Variants in HLCS observed in about 807,000 individuals in gnomAD.
The protein encoded by HLCS is holocarboxylase synthetase, also known as biotin--protein ligase.
In HLCS, 53 loss-of-function variants were observed where a neutral mutation model predicts 75.0. The observed-to-expected ratio is 0.71, with a 90% confidence interval of 0.57 to 0.89. The LOEUF is 0.89. Among genes scored for constraint, HLCS ranks in the 40% least tolerant of loss-of-function variants. The pLI, the probability that HLCS is intolerant of heterozygous loss-of-function variation, is 0.00. For missense variants in HLCS, 966 were observed against 1,074.0 expected, an observed-to-expected ratio of 0.90 and a Z score of 1.41; for synonymous variants, 431 against 428.6, an observed-to-expected ratio of 1.01 and a Z score of -0.07.
upstream of HLCS, among the ~76,000 whole-genome samples, chr21:36,970,228 G>T (rs2068748315): frequency 6.6e-6 from 1 of 152,142 alleles, no homozygotes; most frequent in Admixed American, 6.6e-5. Context: ...AGCTGAGAAG[G>T]ATAGCTTGTT....
At chr21:36,859,517 G>A (rs1160744060) in intron 6 of HLCS, among the ~76,000 whole-genome samples, 2 of 152,226 alleles carry the variant, frequency 1.3e-5, no homozygotes, top group African/African-American at 2.4e-5. Context: ...GAGGGGAGCA[G>A]GACAACTGTA....
At chr21:36,899,744 G>A (rs1410311680) in intron 5 of HLCS, among the ~76,000 whole-genome samples, 2 of 152,208 alleles carry the variant, frequency 1.3e-5, no homozygotes, top group Non-Finnish European at 2.9e-5. Context: ...CTCTGAGGAC[G>A]GAGCAATGAT....
chr21:36,822,839 C>G (rs1216535574), intron 6 of HLCS, among the ~76,000 whole-genome samples: 1 of 152,170 alleles, frequency 6.6e-6, no homozygotes, highest in Non-Finnish European at 1.5e-5. Flanking sequence ...TAGAGCAGGA[C>G]AGTGATTTTT....
At chr21:36,769,118 A>T (rs1303827964) in intron 6 of HLCS, among the ~76,000 whole-genome samples, 1 of 152,256 alleles carries the variant, frequency 6.6e-6, no homozygotes, top group Non-Finnish European at 1.5e-5. Flanking sequence ...AACCAAACAC[A>T]GACTTCTAGA....
At chr21:36,788,129 T>C (rs2060747728) in intron 6 of HLCS, among the ~76,000 whole-genome samples, 1 of 152,218 alleles carries the variant, frequency 6.6e-6, no homozygotes, top group Non-Finnish European at 1.5e-5. Flanking sequence ...AGAGGTGGCA[T>C]TTTGTCTTCC....
intron 6 of HLCS, among the ~76,000 whole-genome samples, chr21:36,836,373 A>G (rs2062411392): frequency 6.6e-6 from 1 of 151,950 alleles, no homozygotes; most frequent in Non-Finnish European, 1.5e-5. Context: ...CAGGTTAGTT[A>G]CATATGTATA....
chr21:36,844,691 T>C (rs1457085785), intron 6 of HLCS, among the ~76,000 whole-genome samples: 1 of 151,614 alleles, frequency 6.6e-6, no homozygotes, highest in East Asian at 1.9e-4. Flanking sequence ...AGAACGACTA[T>C]CTTTTTTTTT....
chr21:36,884,148 T>C (rs908563570), intron 6 of HLCS, among the ~76,000 whole-genome samples: 2 of 152,242 alleles, frequency 1.3e-5, no homozygotes, highest in Non-Finnish European at 2.9e-5. Context: ...CCCCTTGTTA[T>C]CTAACGTAAG....
Position 36,879,858 on chromosome 21 carries a change from C to T in HLCS, c.1892+17002G>A, listed in dbSNP as rs561018877. Among the ~76,000 whole-genome samples, 6 of 150,962 alleles carry T rather than the reference C, an allele frequency of 4.0e-5. No individual in the cohort carries two copies. The South Asian group carries it at 8.4e-4, about 21-fold the overall frequency. On this transcript the variant is annotated intron_variant, in intron 6 of 10. Transcript: ENST00000674895. ...CCAGGAGTTCGAGGCTGCAGTGAGC[C>T]GAGATTGCACCACTACACTCCAGCC...
At chr21:36,922,309 T>C (rs993851076) in intron 5 of HLCS, among the ~76,000 whole-genome samples, 2 of 152,218 alleles carry the variant, frequency 1.3e-5, no homozygotes, top group African/African-American at 4.8e-5. Flanking sequence ...CTTTGATATA[T>C]GTGTATGTTA....
chr21:36,754,543 G>C (rs2089485526), intron 10 of HLCS, 126 bp from the exon 11 acceptor site: 1 of 951,510 alleles, frequency 1.1e-6, no homozygotes, highest in Non-Finnish European at 1.6e-6. Context: ...CTCGCTGCAG[G>C]GAAAAGGCAG....
intron 2 of HLCS, among the ~76,000 whole-genome samples, chr21:36,950,476 TTTTA>T (rs1320188612): frequency 3.3e-5 from 5 of 151,940 alleles, no homozygotes; most frequent in Non-Finnish European, 5.9e-5. Flanking sequence ...TCTTTTTTTT[TTTTA>T]GAGGAAGACA....
chr21:36,868,149 C>T (rs114909658), intron 6 of HLCS, among the ~76,000 whole-genome samples: 17 of 113,052 alleles, frequency 1.5e-4, no homozygotes, highest in African/African-American at 5.5e-4. Context: ...GACCCCATCA[C>T]GAAAGAAAGG....
intron 6 of HLCS, among the ~76,000 whole-genome samples, chr21:36,889,077 C>T (rs150923598): frequency 2.6e-5 from 4 of 152,152 alleles, no homozygotes; most frequent in East Asian, 3.8e-4. Context: ...CGCCAGGACA[C>T]CTCTCCAGTG....
chr21:36,804,133 C>T (rs1210717550), intron 6 of HLCS: 1 of 152,614 alleles, frequency 6.6e-6, no homozygotes, highest in East Asian at 1.9e-4. Flanking sequence ...AATCCGCTTC[C>T]CCGGCCTGCA....
At chr21:36,972,838 G>A (rs1416362102) in intron 1 of HLCS, among the ~76,000 whole-genome samples, 1 of 152,110 alleles carries the variant, frequency 6.6e-6, no homozygotes, top group Non-Finnish European at 1.5e-5. Context: ...TATTAGGTTT[G>A]CCATATTAAT....
At chr21:36,910,642 C>T (rs895948665) in intron 5 of HLCS, among the ~76,000 whole-genome samples, 5 of 151,848 alleles carry the variant, frequency 3.3e-5, no homozygotes, top group Middle Eastern at 3.5e-3. Context: ...TTGGGGTGGG[C>T]GTTTATTCAG....
Position 36,750,537 on chromosome 21 carries a change from C to T in HLCS, c.*3709G>A, listed in dbSNP as rs561538472. ...ATCAGCCCTGCCTTCGTCCCTTCCG[C>T]CCTAAGCCCTAAGAGTGGGGGAGGT... On this transcript the variant is annotated 3_prime_UTR_variant, in exon 11 of 11. Transcript: ENST00000674895. Among the ~76,000 whole-genome samples, 9 of 152,220 alleles carry T rather than the reference C, an allele frequency of 5.9e-5. No homozygotes were observed. The highest frequency in any genetic ancestry group is 1.7e-4 in the African/African-American group (7 of 41,524).
At chr21:36,791,133 C>A (rs961848880) in intron 6 of HLCS, among the ~76,000 whole-genome samples, 2 of 152,122 alleles carry the variant, frequency 1.3e-5, no homozygotes, top group African/African-American at 4.8e-5. Flanking sequence ...CAAAATAAAA[C>A]CTGCTCACCG....
Sources: gnomAD v4.1 joint callset for allele counts (sites outside exome capture counted in the v4.1 genomes callset) on GRCh38, gnomAD v4.1.1 for gene constraint, MANE v1.5 for transcripts, NCBI Gene and HGNC (gene_info 2026-07-23, HGNC 2026-07-21) for gene names.